The following HDAC4 variants were observed in gnomAD, a reference collection of about 807,000 sequenced individuals.
HDAC4 encodes histone deacetylase 4.
In HDAC4, 16 loss-of-function variants were observed where a neutral mutation model predicts 135.1. That is an observed-to-expected ratio of 0.12 (90% confidence interval 0.08 to 0.18). HDAC4 has a LOEUF of 0.18. HDAC4 is among the 10% of genes least tolerant of loss of function. The pLI, the probability that HDAC4 is intolerant of heterozygous loss-of-function variation, is 1.00. For missense variants in HDAC4, 1,143 were observed against 1,511.8 expected (o/e 0.76, Z 4.05); for synonymous variants, 685 against 653.4 (o/e 1.05, Z -0.74).
chr2:239,101,127 AC>A (rs1221731528), intron 16 of HDAC4, among the ~76,000 whole-genome samples: 1 of 152,010 alleles, frequency 6.6e-6, no homozygotes, highest in Non-Finnish European at 1.5e-5. Context: ...GCTCAGCCAC[AC>A]CCCGGCCCAC....
At chr2:239,357,973 T>A (rs1261324726) in intron 1 of HDAC4, among the ~76,000 whole-genome samples, 1 of 150,002 alleles carries the variant, frequency 6.7e-6, no homozygotes. Context: ...TGGGGAATAT[T>A]ATGAAAAACT....
intron 3 of HDAC4, among the ~76,000 whole-genome samples, chr2:239,223,206 C>T (rs931484302): frequency 2.6e-5 from 4 of 152,078 alleles, no homozygotes; most frequent in Admixed American, 6.5e-5. Context: ...ACAGCTGGGC[C>T]GAAGTAGGAA....
Position 239,197,847 on chromosome 2 carries a change from TTGTG to T in HDAC4, c.95-7774_95-7771del, listed in dbSNP as rs368801140. Among the ~76,000 whole-genome samples the T allele has an allele frequency of 1.2e-3, 175 of 140,208 alleles. 1 individual carries two copies. Among genetic ancestry groups the T allele is most frequent in the East Asian group, 7.3e-3 (34 of 4,646 alleles). The allele number at this position is 140,208 out of a possible 152,430, so 92.0% of individuals were successfully genotyped here. A position where few individuals can be genotyped will look rare whatever the true frequency, so the allele number is the denominator to read the frequency against. On this transcript the variant is annotated intron_variant, in intron 3 of 26. Transcript: ENST00000543185. Reference sequence around the variant, plus strand: ...ATAGTAATGATAGCTCACTAAAAGTTTGTGTGTGTGTGTGTGTGTGTGTGTGTGT... The same window carrying T: ...ATAGTAATGATAGCTCACTAAAAGTTTGTGTGTGTGTGTGTGTGTGTGTGT...
chr2:239,273,881 C>G (rs1395736952), intron 2 of HDAC4, among the ~76,000 whole-genome samples: 1 of 152,202 alleles, frequency 6.6e-6, no homozygotes, highest in African/African-American at 2.4e-5. Flanking sequence ...CAGCCACATA[C>G]AAAAAGAAAA....
intron 2 of HDAC4, among the ~76,000 whole-genome samples, chr2:239,274,371 T>C (rs2050229142): frequency 6.6e-6 from 1 of 152,060 alleles, no homozygotes; most frequent in South Asian, 2.1e-4. Flanking sequence ...ACACTTGTGA[T>C]CATTACCAAA....
At chr2:239,181,534 G>A (rs1025075593) in intron 4 of HDAC4, among the ~76,000 whole-genome samples, 7 of 152,364 alleles carry the variant, frequency 4.6e-5, no homozygotes, top group South Asian at 2.1e-4. Flanking sequence ...ACTTAATTCC[G>A]AACAACCAAC....
chr2:239,306,759 A>C lies in HDAC4; in HGVS notation c.22+45919T>G, dbSNP rs1279195737. On this transcript the variant is annotated intron_variant, in intron 2 of 26. Transcript: ENST00000543185. The surrounding 1 kb of genome is among the most constrained non-coding windows in gnomAD (Gnocchi z 4.5). ...GAAAAGGGGTAGGGGGTGAATGCTA[A>C]GGGGCGAAGGCAGGACCCCACCCCA... Among the ~76,000 whole-genome samples, 3 of 152,010 alleles carry C rather than the reference A, an allele frequency of 2.0e-5. No homozygotes were observed. The highest frequency in any genetic ancestry group is 7.2e-5 in the African/African-American group (3 of 41,396).
chr2:239,236,325 C>T (rs1444474011), intron 3 of HDAC4, among the ~76,000 whole-genome samples: 1 of 152,128 alleles, frequency 6.6e-6, no homozygotes, highest in Non-Finnish European at 1.5e-5. Context: ...CAGTTGGTGC[C>T]TTTGGGAAGA....
intron 1 of HDAC4, among the ~76,000 whole-genome samples, chr2:239,388,429 T>C (rs1695973095): frequency 3.9e-5 from 6 of 152,326 alleles, no homozygotes; most frequent in Admixed American, 3.3e-4. Flanking sequence ...CGGGCCACGT[T>C]TGCATCGGCC....
intron 2 of HDAC4, among the ~76,000 whole-genome samples, chr2:239,330,924 A>T (rs1691527515): frequency 6.6e-6 from 1 of 152,222 alleles, no homozygotes; most frequent in Non-Finnish European, 1.5e-5. Flanking sequence ...CATCCCAAAA[A>T]GGCCACTGAA....
In HDAC4 at chr2:239,367,843, G is replaced by A. The variant is rs539636609; in HGVS notation, c.-219-14925C>T. Among the ~76,000 whole-genome samples the A allele has an allele frequency of 5.3e-5, 8 of 152,150 alleles. No homozygotes were observed. In the East Asian group the frequency reaches 1.5e-3, roughly 29 times the overall value. On this transcript the variant is annotated intron_variant, in intron 1 of 26. Transcript: ENST00000543185. Reference sequence around the variant, plus strand: ...ACAAAAACTAGCCAGTCATAGTGGTGTATGTCTGTAATTCCAGCTACTCGG... The same window carrying A: ...ACAAAAACTAGCCAGTCATAGTGGTATATGTCTGTAATTCCAGCTACTCGG...
At chr2:239,181,110 GACATT>G (rs1456941578) in intron 4 of HDAC4, among the ~76,000 whole-genome samples, 1 of 152,254 alleles carries the variant, frequency 6.6e-6, no homozygotes, top group Non-Finnish European at 1.5e-5. Flanking sequence ...TCAGCATCCA[GACATT>G]GGGGACAGGA....
chr2:239,054,606 G>C, intron 25 of HDAC4, 143 bp downstream of exon 25: 1 of 719,230 alleles, frequency 1.4e-6, no homozygotes, highest in Non-Finnish European at 2.6e-6. Flanking sequence ...GCAGCTGAAA[G>C]CAAGGCCTTC....
chr2:239,389,297 G>T lies in HDAC4; in HGVS notation c.-220+11681C>A, dbSNP rs1236206839. Among the ~76,000 whole-genome samples the T allele has an allele frequency of 2.0e-5, 3 of 152,114 alleles. No individual in the cohort carries two copies. The South Asian group carries it at 6.2e-4, about 31-fold the overall frequency. ...CATGCTGTGGAAGCTTTGTTCTTTC[G>T]ATCTCCACAATAAATCTTGCTGCTG... is the stretch of plus-strand genomic sequence containing the variant. On this transcript the variant is annotated intron_variant, in intron 1 of 26. Coordinates refer to ENST00000543185, the MANE Select transcript of HDAC4 (RefSeq NM_001378414.1).
At chr2:239,380,920 G>C (rs1695375922) in intron 1 of HDAC4, among the ~76,000 whole-genome samples, 1 of 152,182 alleles carries the variant, frequency 6.6e-6, no homozygotes, top group Non-Finnish European at 1.5e-5. Flanking sequence ...ACTTCCTGTG[G>C]ATCGAGGTCA....
chr2:239,177,947 T>A (rs1228638404), intron 4 of HDAC4, among the ~76,000 whole-genome samples: 2 of 152,214 alleles, frequency 1.3e-5, no homozygotes, highest in African/African-American at 4.8e-5. Context: ...CCAGACGCCC[T>A]GAGAGGGACT....
At chr2:239,346,912 C>A (rs542420623) in intron 2 of HDAC4, among the ~76,000 whole-genome samples, 1 of 151,162 alleles carries the variant, frequency 6.6e-6, no homozygotes, top group Non-Finnish European at 1.5e-5. Flanking sequence ...CACACACACA[C>A]CCTGTCTAAA....
At chr2:239,392,250 G>C (rs140799117) in intron 1 of HDAC4, among the ~76,000 whole-genome samples, 11 of 152,312 alleles carry the variant, frequency 7.2e-5, no homozygotes, top group Non-Finnish European at 1.3e-4. Context: ...GCTGCTTCAG[G>C]GCAGGCACTC....
chr2:239,374,944 G>A (rs1407185700), intron 1 of HDAC4, among the ~76,000 whole-genome samples: 1 of 152,202 alleles, frequency 6.6e-6, no homozygotes, highest in Non-Finnish European at 1.5e-5. Context: ...GATCTAAAGA[G>A]AGGGACGGTC....
Sources: allele counts gnomAD v4.1 joint callset (sites outside exome capture counted in the v4.1 genomes callset), GRCh38; gene constraint gnomAD v4.1.1; non-coding constraint Gnocchi (gnomAD v3.1); transcripts MANE v1.5; gene names NCBI Gene and HGNC (gene_info 2026-07-23, HGNC 2026-07-21).